The following CFAP52 variants were observed in gnomAD, a reference collection of about 807,000 sequenced individuals.
CFAP52 encodes cilia- and flagella-associated protein 52.
A neutral mutation model predicts 70.5 loss-of-function variants in CFAP52; 57 were observed. That is an observed-to-expected ratio of 0.81 (90% CI 0.65 to 1.01). CFAP52 has a LOEUF of 1.01. CFAP52 is among the 50% of genes least tolerant of loss of function. The pLI, the probability that CFAP52 is intolerant of heterozygous loss-of-function variation, is 0.00. For missense variants in CFAP52, 785 were observed against 788.5 expected (o/e 1.00, Z 0.05); for synonymous variants, 267 against 292.5 (o/e 0.91, Z 0.89).
At chr17:9,631,052 G>GAGAGAGAGAGAGAAAGAAAGAA (rs370935367) in intron 9 of CFAP52, among the ~76,000 whole-genome samples, 6 of 37,948 alleles carry the variant, frequency 1.6e-4, no homozygotes, top group African/African-American at 7.9e-4. Context: ...GAGAGAGAGA[G>GAGAGAGAGAGAGAAAGAAAGAA]AGAAAGAAAG....
intron 11 of CFAP52, among the ~76,000 whole-genome samples, chr17:9,636,039 C>T (rs1239593677): frequency 1.3e-5 from 2 of 151,542 alleles, no homozygotes; most frequent in South Asian, 2.1e-4. Context: ...CTGGGCGTGG[C>T]GGCAGGTGCC....
At chr17:9,633,917 G>A (rs953053114) in intron 10 of CFAP52, among the ~76,000 whole-genome samples, 5 of 151,114 alleles carry the variant, frequency 3.3e-5, no homozygotes, top group Non-Finnish European at 5.9e-5. Context: ...TCCTGACCTC[G>A]TGATCCGCCT....
chr17:9,614,402 C>T (rs1189328578), intron 8 of CFAP52, among the ~76,000 whole-genome samples: 1 of 152,118 alleles, frequency 6.6e-6, no homozygotes. Context: ...GTGATCCACC[C>T]GCCTTGGCCT....
intron 6 of CFAP52, 103 bp downstream of exon 6, chr17:9,600,286 A>C (rs1909211554): frequency 8.5e-6 from 8 of 945,988 alleles, no homozygotes; most frequent in African/African-American, 1.6e-5. Context: ...CTGTCACTCA[A>C]CCTGGAGTAC....
chr17:9,585,125 C>T (rs1326999060), intron 1 of CFAP52, among the ~76,000 whole-genome samples: 3 of 152,256 alleles, frequency 2.0e-5, no homozygotes, highest in Middle Eastern at 3.4e-3. Context: ...TCCATGCATT[C>T]GTGCTTTTTA....
At chr17:9,598,355 A>G (rs1192135091) in intron 5 of CFAP52, 22 bp downstream of exon 5, 14 of 1,590,494 alleles carry the variant, frequency 8.8e-6, no homozygotes, top group Admixed American at 1.7e-5. Flanking sequence ...TTTAAGTATT[A>G]AGTAACAATT....
chr17:9,594,160 A>AT, intron 3 of CFAP52, 33 bp from the exon 4 acceptor site: 1 of 1,530,232 alleles, frequency 6.5e-7, no homozygotes. Context: ...TTTCTCTTTG[A>AT]CTTTTTTTTT....
intron 3 of CFAP52, among the ~76,000 whole-genome samples, chr17:9,591,263 C>T (rs1908747459): frequency 6.6e-6 from 1 of 152,018 alleles, no homozygotes; most frequent in African/African-American, 2.4e-5. Context: ...GTCTCGAACT[C>T]CCAACCTCAG....
In CFAP52 at chr17:9,585,594, C is replaced by T. The variant is rs180749846; in HGVS notation, c.71-179C>T. Among the ~76,000 whole-genome samples, 442 of 102,274 alleles carry T rather than the reference C, an allele frequency of 4.3e-3. 2 individuals carry two copies. Among genetic ancestry groups the T allele is most frequent in the Non-Finnish European group, 6.2e-3 (324 of 51,912 alleles). 67.1% of individuals were successfully genotyped at this position (102,274 alleles called of 152,430 possible). A position where few individuals can be genotyped will look rare whatever the true frequency, so the allele number is the denominator to read the frequency against. ...GCTGAAGCAGGAGAATCACTTGAAC[C>T]CAGGAGGTGAAGGTTGCAGTGAGCC... is the stretch of plus-strand genomic sequence containing the variant. On this transcript the variant is annotated intron_variant, in intron 1 of 13. Coordinates refer to ENST00000352665, the MANE Select transcript of CFAP52 (RefSeq NM_145054.5).
At chr17:9,590,312 G>T in intron 3 of CFAP52, 1 of 183,792 alleles carries the variant, frequency 5.4e-6, no homozygotes, top group Non-Finnish European at 1.2e-5. Flanking sequence ...CCAGGGAATG[G>T]ACAGTCACAG....
chr17:9,643,336 AAT>A lies in CFAP52; in HGVS notation c.*139_*140del. 1 of 676,076 alleles carries A rather than the reference AAT, an allele frequency of 1.5e-6. No individual in the cohort carries two copies. The highest frequency in any genetic ancestry group is 2.1e-6 in the Non-Finnish European group (1 of 466,770). 41.9% of individuals were successfully genotyped at this position (676,076 alleles called of 1,614,324 possible). The stretch of plus-strand genomic sequence containing the variant: ...TCAATTTTTCTCTTTTTCTTTATAG[AAT>A]GCATTTTATATTCTTAAATTGCATA... On this transcript the variant is annotated 3_prime_UTR_variant, in exon 14 of 14. Coordinates refer to ENST00000352665, the MANE Select transcript of CFAP52 (RefSeq NM_145054.5).
rs1252019005 is a variant in CFAP52, at chr17:9,601,301, T to C, written c.753+1118T>C. 2.0e-5 allele frequency among the ~76,000 whole-genome samples: 3 copies of C among 149,368 alleles called. No individual in the cohort carries two copies. In the East Asian group the frequency reaches 6.1e-4, roughly 30 times the overall value. ...GGGGGAGGGATAGCATTAGGAGATATACCTAATGTAAATGACGAGTTAATG... is the reference window on the plus strand; with the variant it reads ...GGGGGAGGGATAGCATTAGGAGATACACCTAATGTAAATGACGAGTTAATG... On this transcript the variant is annotated intron_variant, in intron 6 of 13. Transcript: ENST00000352665.
At chr17:9,639,929 A>T (rs991264114) in intron 12 of CFAP52, among the ~76,000 whole-genome samples, 4 of 152,184 alleles carry the variant, frequency 2.6e-5, no homozygotes, top group African/African-American at 9.6e-5. Context: ...GTCAAGTTCC[A>T]ACTACTTCTG....
At chr17:9,629,605 T>C (rs925215435) in intron 9 of CFAP52, among the ~76,000 whole-genome samples, 8 of 149,274 alleles carry the variant, frequency 5.4e-5, no homozygotes, top group Non-Finnish European at 8.9e-5. Context: ...TGGAGTGCAA[T>C]GGCGCGATCT....
rs376743248 is a variant in CFAP52 at position 9,641,819 on chromosome 17, G to A, written c.1671G>A (p.Gly557=). The A allele has an allele frequency of 6.3e-5, 102 of 1,613,620 alleles. No homozygotes were observed. The highest frequency in any genetic ancestry group is 8.5e-5 in the Non-Finnish European group (100 of 1,179,740). ...ATGGCATGGATATCACACAGGAAGG[G>A]GTGCACTTTGTCACAGGTTAGTCCT... ...SINGMDITQE[G]VHFVTGGNDH... is the part of the protein sequence containing the mutation. The change falls in exon 13 of 14, where the codon GGG becomes GGA. Residue 557 remains glycine (G), a synonymous_variant. Transcript: ENST00000352665.
intron 9 of CFAP52, among the ~76,000 whole-genome samples, chr17:9,629,044 G>T (rs1233012667): frequency 6.6e-6 from 1 of 152,132 alleles, no homozygotes; most frequent in Non-Finnish European, 1.5e-5. Context: ...CCACATTGCT[G>T]CATATAGCGT....
intron 8 of CFAP52, among the ~76,000 whole-genome samples, chr17:9,616,045 C>G (rs928626379): frequency 6.6e-6 from 1 of 150,792 alleles, no homozygotes; most frequent in African/African-American, 2.4e-5. Context: ...CCAGCGTGAG[C>G]GACGCAGAAG....
chr17:9,593,161 T>C (rs937179855), intron 3 of CFAP52, among the ~76,000 whole-genome samples: 5 of 152,214 alleles, frequency 3.3e-5, no homozygotes, highest in Non-Finnish European at 5.9e-5. Context: ...ATTTTCATTC[T>C]TTTTCTTTAA....
In CFAP52 at chr17:9,643,286, TCA is replaced by T. The variant is rs1911173528; in HGVS notation, c.*91_*92del. Reference sequence around the variant, plus strand: ...TAACTCCAACACTAGTCTTCATTTCTCACAGCTCTGTTTTTGTTCTTGAGTCA... The same window carrying T: ...TAACTCCAACACTAGTCTTCATTTCTCAGCTCTGTTTTTGTTCTTGAGTCA... On this transcript the variant is annotated 3_prime_UTR_variant, in exon 14 of 14. Transcript: ENST00000352665. The T allele has an allele frequency of 1.7e-6, 2 of 1,194,722 alleles. No individual in the cohort carries two copies. Among genetic ancestry groups the T allele is most frequent in the Admixed American group, 3.0e-5 (1 of 33,390 alleles). 74.0% of individuals were successfully genotyped at this position (1,194,722 alleles called of 1,614,324 possible). A position where few individuals can be genotyped will look rare whatever the true frequency, so the allele number is the denominator to read the frequency against.
Sources: gnomAD v4.1 joint callset for allele counts (sites outside exome capture counted in the v4.1 genomes callset) on GRCh38, gnomAD v4.1.1 for gene constraint, MANE v1.5 for transcripts, NCBI Gene and HGNC (gene_info 2026-07-23, HGNC 2026-07-21) for gene names.